Variants in CDH11 observed in about 807,000 individuals in gnomAD.
CDH11 encodes the protein cadherin-11.
Under a neutral mutation model 67.8 loss-of-function variants are expected in CDH11, and 11 were observed. The observed-to-expected ratio is 0.16, with a 90% CI of 0.10 to 0.27. The LOEUF (loss-of-function observed/expected upper bound fraction) is 0.27. CDH11 is among the 10% of genes least tolerant of loss of function. The pLI is 1.00. For synonymous variants in CDH11, 419 were observed against 400.0 expected, an observed-to-expected ratio of 1.05 and a Z score of -0.57; for missense variants, 847 against 1,031.2, an observed-to-expected ratio of 0.82 and a Z score of 2.45.
intron 11 of CDH11, among the ~76,000 whole-genome samples, chr16:64,952,258 G>C (rs1461928865): frequency 6.6e-6 from 1 of 152,162 alleles, no homozygotes. Flanking sequence ...CCACCACACT[G>C]TATATTTGTA....
Position 64,946,494 on chromosome 16 carries a change from A to G in CDH11, c.*1109T>C, listed in dbSNP as rs528769555. The G allele has an allele frequency of 1.3e-4, 133 of 1,030,612 alleles. No individual in the cohort carries two copies. Among genetic ancestry groups the G allele is most frequent in the Non-Finnish European group, 1.5e-4 (127 of 857,006 alleles). 63.8% of individuals were successfully genotyped at this position (1,030,612 alleles called of 1,614,324 possible). ...TATATAACACATATTGCAAAGTCAT[A>G]GACTGACCTAGTTCTTTCACATCCT... On this transcript the variant is annotated 3_prime_UTR_variant, in exon 13 of 13. Transcript: ENST00000268603.
intron 11 of CDH11, among the ~76,000 whole-genome samples, chr16:64,953,499 G>A (rs892977156): frequency 6.6e-6 from 1 of 151,742 alleles, no homozygotes; most frequent in African/African-American, 2.4e-5. Context: ...TGTATGATTG[G>A]CATACATTTC....
At chr16:65,110,768 T>C (rs967832891) in intron 1 of CDH11, among the ~76,000 whole-genome samples, 2 of 152,026 alleles carry the variant, frequency 1.3e-5, no homozygotes, top group African/African-American at 4.8e-5. Flanking sequence ...TCTCTGGCCC[T>C]TTAAGCCCCT....
chr16:64,991,909 T>C lies in CDH11; in HGVS notation c.670A>G (p.Met224Val). ...TGIIRTALPN[M>V]DREAKEEYHV... is the part of the protein sequence containing the mutation. ...TACTCCTCCTTGGCCTCCCTGTCCA[T>C]GTTGGGTAGGGCTGTTCTGATGATA... Residue 224 changes from methionine (M) to valine (V), a missense_variant, in exon 6 of 13, where the codon ATG becomes GTG. By Grantham distance (21) the Met-to-Val change is conservative. Transcript: ENST00000268603. The C allele has an allele frequency of 6.2e-7, 1 of 1,613,420 alleles. No individual in the cohort carries two copies. Among genetic ancestry groups the C allele is most frequent in the Non-Finnish European group, 8.5e-7 (1 of 1,179,466 alleles).
Position 64,945,485 on chromosome 16 carries a change from T to TA in CDH11, c.*2117dup, listed in dbSNP as rs1432216272. On this transcript the variant is annotated 3_prime_UTR_variant, in exon 13 of 13. Coordinates refer to ENST00000268603, the MANE Select transcript of CDH11 (RefSeq NM_001797.4). ...GGTTACTTACAGCTGTATACTTATT[T>TA]AAATGCTATTCATATTCCTTTTGAG... 1 of 1,034,360 alleles carries TA rather than the reference T, an allele frequency of 9.7e-7. No homozygotes were observed. Among genetic ancestry groups the TA allele is most frequent in the African/African-American group, 1.7e-5 (1 of 59,440 alleles). 64.1% of individuals were successfully genotyped at this position (1,034,360 alleles called of 1,614,324 possible).
At chr16:65,007,434 A>G (rs35180) in intron 2 of CDH11, among the ~76,000 whole-genome samples, 40,068 of 152,160 alleles carry the variant, frequency 0.26, 6,033 homozygotes, top group Middle Eastern at 0.36. Context: ...ATCATTTAAC[A>G]ACTTCATCCT....
At chr16:64,984,698 C>T (rs531902468) in intron 7 of CDH11, 1 of 152,160 alleles carries the variant, frequency 6.6e-6, no homozygotes, top group South Asian at 2.1e-4. Flanking sequence ...ACACCAAATC[C>T]AACTGTGAGA....
At chr16:65,072,047 C>T (rs969633443) in intron 1 of CDH11, 1 of 152,338 alleles carries the variant, frequency 6.6e-6, no homozygotes, top group East Asian at 1.9e-4. Context: ...CCTACTCACT[C>T]CACCATCACG....
chr16:64,995,466 A>G (rs1206686711), intron 4 of CDH11, among the ~76,000 whole-genome samples: 1 of 152,210 alleles, frequency 6.6e-6, no homozygotes, highest in Non-Finnish European at 1.5e-5. Context: ...GATCATCAAC[A>G]AAGTTGACAA....
chr16:64,949,907 GA>G (rs1424952166), intron 12 of CDH11, among the ~76,000 whole-genome samples: 2 of 152,124 alleles, frequency 1.3e-5, no homozygotes, highest in African/African-American at 4.8e-5. Flanking sequence ...GTTGCCCAGA[GA>G]ATACCCAGTA....
At chr16:65,066,153 T>C (rs1053922375) in intron 1 of CDH11, among the ~76,000 whole-genome samples, 1 of 152,232 alleles carries the variant, frequency 6.6e-6, no homozygotes, top group African/African-American at 2.4e-5. Flanking sequence ...ACTTACCATA[T>C]TGTTTCACTC....
Position 65,004,791 on chromosome 16 carries a change from G to T in CDH11, c.79C>A (p.Arg27=). The change falls in exon 3 of 13, where the codon CGG becomes AGG. Residue 27 remains arginine, a synonymous_variant. Transcript: ENST00000268603. ...LCHSHAFAPE[R]RGHLRPSFHG... is the part of the protein sequence containing the mutation. ...AAGGAGGGCCGCAGGTGCCCCCGCCGCTCTGGGGCAAAGGCATGGCTGTGG... is the reference window on the plus strand; with the variant it reads ...AAGGAGGGCCGCAGGTGCCCCCGCCTCTCTGGGGCAAAGGCATGGCTGTGG... 1.3e-6 allele frequency: 2 copies of T among 1,599,364 alleles called. No homozygotes were observed. Among genetic ancestry groups the T allele is most frequent in the East Asian group, 4.6e-5 (2 of 43,792 alleles).
chr16:64,962,742 T>A (rs1401330894), intron 11 of CDH11, among the ~76,000 whole-genome samples: 2 of 152,164 alleles, frequency 1.3e-5, no homozygotes, highest in African/African-American at 4.8e-5. Context: ...CAAGGCCTGA[T>A]CTTAGAAAAA....
At position 65,084,257 on chromosome 16, in the gene CDH11, G is replaced by C. The variant is rs371058154; in HGVS notation, c.-297-30329C>G. ...TAATCCCTGCACTTTGGGAGGCCAC[G>C]GTGGGAGGATTGCTTGAGCCCAGGA... On this transcript the variant is annotated intron_variant, in intron 1 of 12. Coordinates refer to ENST00000268603, the MANE Select transcript of CDH11 (RefSeq NM_001797.4). 9.2e-5 allele frequency among the ~76,000 whole-genome samples: 14 copies of C among 152,314 alleles called. No homozygotes were observed. The East Asian group carries it at 2.3e-3, about 25-fold the overall frequency.
chr16:65,053,553 T>C (rs1739558426), intron 2 of CDH11, among the ~76,000 whole-genome samples: 1 of 152,202 alleles, frequency 6.6e-6, no homozygotes, highest in South Asian at 2.1e-4. Flanking sequence ...AGTTCCTTCT[T>C]TCTCCTCCAG....
chr16:65,102,456 A>G (rs2075007725), intron 1 of CDH11, among the ~76,000 whole-genome samples: 1 of 152,258 alleles, frequency 6.6e-6, no homozygotes, highest in Non-Finnish European at 1.5e-5. Flanking sequence ...CTTACTTTGG[A>G]GAATCCCAAT....
chr16:65,069,896 G>T (rs374967488), intron 1 of CDH11, among the ~76,000 whole-genome samples: 4 of 152,198 alleles, frequency 2.6e-5, no homozygotes, highest in African/African-American at 9.6e-5. Flanking sequence ...CCAGGGACAC[G>T]GTGATGAACA....
chr16:65,114,113 G>A (rs958880484), intron 1 of CDH11, among the ~76,000 whole-genome samples: 15 of 152,184 alleles, frequency 9.9e-5, no homozygotes, highest in Admixed American at 3.3e-4. Context: ...AATGACTAGA[G>A]TTAATGAATC....
chr16:64,991,640 A>T, intron 6 of CDH11, 128 bp downstream of exon 6: 1 of 566,330 alleles, frequency 1.8e-6, no homozygotes, highest in Non-Finnish European at 3.2e-6. Flanking sequence ...TTTTGTAAGA[A>T]TGATATGAAT....
Sources: allele counts gnomAD v4.1 joint callset (sites outside exome capture counted in the v4.1 genomes callset), GRCh38; gene constraint gnomAD v4.1.1; transcripts MANE v1.5; gene names NCBI Gene and HGNC (gene_info 2026-07-23, HGNC 2026-07-21).